Variants in CSPP1 observed in about 807,000 individuals in gnomAD.
The protein encoded by CSPP1 is centrosome and spindle pole-associated protein 1.
CSPP1 carries 126 observed loss-of-function variants against 164.4 expected under a neutral mutation model. The observed-to-expected ratio is 0.77, with a 90% confidence interval of 0.66 to 0.89. The LOEUF (loss-of-function observed/expected upper bound fraction) is 0.89, where lower values mean the gene tolerates loss of function less well. Among genes scored for constraint, CSPP1 ranks in the 40% least tolerant of loss-of-function variants. The pLI, the probability that CSPP1 is intolerant of heterozygous loss-of-function variation, is 0.00. For missense variants in CSPP1, 1,395 were observed against 1,449.8 expected, an observed-to-expected ratio of 0.96 and a Z score of 0.61; for synonymous variants, 472 against 476.7, an observed-to-expected ratio of 0.99 and a Z score of 0.13.
At chr8:67,162,889 T>C (rs898489453) in intron 22 of CSPP1, among the ~76,000 whole-genome samples, 1 of 152,178 alleles carries the variant, frequency 6.6e-6, no homozygotes, top group Non-Finnish European at 1.5e-5. Context: ...GTTGAAAATA[T>C]GAATTGTGGC....
At chr8:67,072,404 A>T (rs913954525) in intron 1 of CSPP1, among the ~76,000 whole-genome samples, 1 of 152,236 alleles carries the variant, frequency 6.6e-6, no homozygotes, top group Non-Finnish European at 1.5e-5. Context: ...TATCAAGAAA[A>T]CTTACAAACC....
rs1053800219 is a variant in CSPP1, at chr8:67,155,869, A to G, written c.2241+1733A>G. On this transcript the variant is annotated intron_variant, in intron 19 of 30. Transcript: ENST00000678616. Reference sequence around the variant, plus strand: ...GGGATATTTTACTAGTGTGGGTGACAGTGGAAATGGGTGGAAAGTGCTTTT... The same window carrying G: ...GGGATATTTTACTAGTGTGGGTGACGGTGGAAATGGGTGGAAAGTGCTTTT... Among the ~76,000 whole-genome samples the G allele has an allele frequency of 2.0e-5, 3 of 152,318 alleles. No individual in the cohort carries two copies. In the East Asian group the frequency reaches 5.8e-4, roughly 29 times the overall value.
chr8:67,091,745 G>A, intron 4 of CSPP1, 58 bp from the exon 5 acceptor site: 4 of 520,572 alleles, frequency 7.7e-6, no homozygotes, highest in East Asian at 1.6e-4. Flanking sequence ...ACACATTTAT[G>A]CAACATATTT....
chr8:67,095,815 A>C, intron 7 of CSPP1, 83 bp downstream of exon 7: 1 of 819,148 alleles, frequency 1.2e-6, no homozygotes, highest in Non-Finnish European at 1.9e-6. Flanking sequence ...TTTTATCATT[A>C]TACTAGGGAG....
chr8:67,181,912 G>A (rs1456159666), intron 28 of CSPP1, among the ~76,000 whole-genome samples: 2 of 152,106 alleles, frequency 1.3e-5, no homozygotes, highest in African/African-American at 4.8e-5. Context: ...CATGTAAGTG[G>A]AATCATACAG....
At chr8:67,119,605 T>C (rs1439390493) in intron 15 of CSPP1, among the ~76,000 whole-genome samples, 1 of 152,130 alleles carries the variant, frequency 6.6e-6, no homozygotes, top group Non-Finnish European at 1.5e-5. Context: ...AAGATGGTAT[T>C]TCATTGTAGG....
At chr8:67,162,561 G>A (rs144560279) in intron 22 of CSPP1, among the ~76,000 whole-genome samples, 1 of 152,326 alleles carries the variant, frequency 6.6e-6, no homozygotes, top group Non-Finnish European at 1.5e-5. Context: ...TAGGTCTGTG[G>A]TAGATAATGC....
At chr8:67,168,168 G>A (rs926852371) in intron 24 of CSPP1, among the ~76,000 whole-genome samples, 2 of 152,140 alleles carry the variant, frequency 1.3e-5, no homozygotes, top group African/African-American at 2.4e-5. Flanking sequence ...GTGGTGGCGC[G>A]CGCCTATAAT....
chr8:67,184,295 G>A lies in CSPP1; in HGVS notation c.3220+4369G>A, dbSNP rs141194450. ...ATTAAATCCAAAGTAAGCAGAAGAA[G>A]AGAAATAAAAATTGGAGCAGAAATC... On this transcript the variant is annotated intron_variant, in intron 28 of 30. Transcript: ENST00000678616. Among the ~76,000 whole-genome samples the A allele has an allele frequency of 3.9e-5, 6 of 152,242 alleles. No individual in the cohort carries two copies. In the East Asian group the frequency reaches 1.2e-3, roughly 29 times the overall value.
chr8:67,101,428 C>T (rs907450153), intron 7 of CSPP1, among the ~76,000 whole-genome samples: 37 of 152,260 alleles, frequency 2.4e-4, no homozygotes, highest in Middle Eastern at 3.4e-3. Flanking sequence ...GCTCTGTTAA[C>T]GCTTTTCTGC....
intron 28 of CSPP1, among the ~76,000 whole-genome samples, chr8:67,186,291 T>A (rs1348137217): frequency 6.6e-6 from 1 of 152,152 alleles, no homozygotes; most frequent in Non-Finnish European, 1.5e-5. Flanking sequence ...AAGATGCAAC[T>A]CCACCCTTTG....
chr8:67,086,887 T>TC (rs771762809), intron 4 of CSPP1: 3 of 1,219,278 alleles, frequency 2.5e-6, no homozygotes, highest in South Asian at 2.6e-5. Flanking sequence ...GTTTTTTCTT[T>TC]CTTTTTTTTT....
intron 29 of CSPP1, 22 bp downstream of exon 29, chr8:67,190,781 C>T (rs779383279): frequency 1.3e-6 from 2 of 1,518,580 alleles, no homozygotes; most frequent in East Asian, 2.3e-5. Context: ...ACTTTTCTCC[C>T]CCTTTTCAAC....
intron 15 of CSPP1, among the ~76,000 whole-genome samples, chr8:67,120,253 A>C (rs1249245089): frequency 6.6e-6 from 1 of 152,082 alleles, no homozygotes; most frequent in Non-Finnish European, 1.5e-5. Context: ...CCAGTACCTT[A>C]GTGTTTTGAT....
chr8:67,101,187 T>G (rs562820979), intron 7 of CSPP1, among the ~76,000 whole-genome samples: 29 of 152,304 alleles, frequency 1.9e-4, no homozygotes, highest in African/African-American at 7.0e-4. Context: ...GTTTTTATTG[T>G]GGGATGGTTA....
At chr8:67,104,994 C>CTTT (rs1815163738) in intron 8 of CSPP1, among the ~76,000 whole-genome samples, 3 of 40,820 alleles carry the variant, frequency 7.3e-5, no homozygotes, top group Non-Finnish European at 1.4e-4. Context: ...TTTTTTTTTA[C>CTTT]TGGGGTAGCT....
At chr8:67,173,593 A>C (rs900694098) in intron 25 of CSPP1, 2 of 152,070 alleles carry the variant, frequency 1.3e-5, no homozygotes, top group Non-Finnish European at 2.9e-5. Context: ...ACTTTAGTCA[A>C]ACTACCTATA....
At chr8:67,170,257 C>T (rs1240622649) in intron 24 of CSPP1, among the ~76,000 whole-genome samples, 5 of 146,278 alleles carry the variant, frequency 3.4e-5, no homozygotes, top group African/African-American at 1.3e-4. Context: ...CCAGCCTGAC[C>T]AACGTGGCAA....
In CSPP1 at chr8:67,149,795, G is replaced by A; in HGVS notation, c.1988G>A (p.Arg663Lys). Residue 663 changes from arginine (R) to lysine (K), a missense_variant, in exon 18 of 31, where the codon AGG becomes AAG. Arg to Lys is a conservative substitution (Grantham distance 26). Transcript: ENST00000678616. ...AKGNLITDLNRMHRQNIDAYH... is the reference protein window; with the variant it reads ...AKGNLITDLNKMHRQNIDAYH... ...TTTTTCCTCTCAGCTGATTTGAATA[G>A]GATGCACAGACAAAATATAGATGCC... 6.3e-7 allele frequency: 1 copy of A among 1,578,876 alleles called. No homozygotes were observed. Among genetic ancestry groups the A allele is most frequent in the Non-Finnish European group, 8.6e-7 (1 of 1,166,982 alleles).
Sources: gnomAD v4.1 joint callset for allele counts (sites outside exome capture counted in the v4.1 genomes callset) on GRCh38, gnomAD v4.1.1 for gene constraint, MANE v1.5 for transcripts, NCBI Gene and HGNC (gene_info 2026-07-23, HGNC 2026-07-21) for gene names.